GALNT3: variants seen among roughly 807,000 people sequenced by gnomAD.
GALNT3 encodes the protein polypeptide N-acetylgalactosaminyltransferase 3.
GALNT3 carries 51 observed loss-of-function variants against 69.8 expected under a neutral mutation model. The observed-to-expected ratio is 0.73, with a 90% CI of 0.58 to 0.92. The LOEUF is 0.92. Among genes scored for constraint, GALNT3 ranks in the 40% least tolerant of loss-of-function variants. The pLI, the probability that GALNT3 is intolerant of heterozygous loss-of-function variation, is 0.00. For synonymous variants in GALNT3, 265 were observed against 248.5 expected (o/e 1.07, Z -0.63); for missense variants, 711 against 760.0 (o/e 0.94, Z 0.76).
chr2:165,758,259 T>C (rs1166733871), intron 6 of GALNT3, among the ~76,000 whole-genome samples: 1 of 152,098 alleles, frequency 6.6e-6, no homozygotes, highest in African/African-American at 2.4e-5. Context: ...CTGCAGAAAA[T>C]GAAACTCATG....
chr2:165,773,011 A>G (rs1408522290), intron 1 of GALNT3, among the ~76,000 whole-genome samples: 2 of 152,192 alleles, frequency 1.3e-5, no homozygotes, highest in Non-Finnish European at 2.9e-5. Context: ...GATAGATATT[A>G]ATGAGATGAG....
chr2:165,774,120 G>C (rs1182515430), intron 1 of GALNT3, among the ~76,000 whole-genome samples: 1 of 152,170 alleles, frequency 6.6e-6, no homozygotes, highest in East Asian at 1.9e-4. Context: ...CAGGAAAGTG[G>C]TTCCCAGTTG....
At chr2:165,770,131 T>G (rs1469384464) in intron 2 of GALNT3, 55 bp downstream of exon 2, 4 of 1,604,894 alleles carry the variant, frequency 2.5e-6, no homozygotes, top group Non-Finnish European at 3.4e-6. Flanking sequence ...CTCACCCCTC[T>G]CTCCCCTGCA....
In GALNT3 at chr2:165,759,493, T is replaced by C. The variant is rs1461397202; in HGVS notation, c.916A>G (p.Ile306Val). ...AACGTGTTCAGATCTATGGATGCAA[T>C]ATCTGGACTTACGACAGCCGTGTAG... ...ENYTAVVSPD[I>V]ASIDLNTFEF... The change falls in exon 5 of 11, where the codon ATT (isoleucine) becomes GTT (valine). Residue 306 changes from isoleucine (I) to valine (V), a missense_variant. By Grantham distance (29) the Ile-to-Val change is conservative. Coordinates refer to ENST00000392701, the MANE Select transcript of GALNT3 (RefSeq NM_004482.4). 2.5e-6 allele frequency: 4 copies of C among 1,613,916 alleles called. No individual in the cohort carries two copies. In the African/African-American group the frequency reaches 4.0e-5, roughly 16 times the overall value.
intron 1 of GALNT3, among the ~76,000 whole-genome samples, chr2:165,786,290 G>T (rs1188096146): frequency 4.6e-5 from 7 of 152,142 alleles, no homozygotes; most frequent in Non-Finnish European, 8.8e-5. Flanking sequence ...ACAGGACTGG[G>T]GAGACGAGAA....
At chr2:165,766,198 A>T (rs1446002092) in intron 2 of GALNT3, among the ~76,000 whole-genome samples, 1 of 152,126 alleles carries the variant, frequency 6.6e-6, no homozygotes, top group Non-Finnish European at 1.5e-5. Flanking sequence ...ACTAGCGTTT[A>T]AAAAAACCCT....
chr2:165,784,640 A>G (rs190779978), intron 1 of GALNT3, among the ~76,000 whole-genome samples: 30 of 152,206 alleles, frequency 2.0e-4, no homozygotes, highest in Middle Eastern at 6.8e-3. Flanking sequence ...GTTCAAGACC[A>G]GCCTAGGAAA....
chr2:165,790,728 A>T (rs1418159509), intron 1 of GALNT3, among the ~76,000 whole-genome samples: 1 of 152,186 alleles, frequency 6.6e-6, no homozygotes, highest in Non-Finnish European at 1.5e-5. Context: ...TTCCAAGACT[A>T]CATTCCTACA....
intron 2 of GALNT3, among the ~76,000 whole-genome samples, chr2:165,766,413 T>C (rs1378175271): frequency 6.6e-6 from 1 of 152,174 alleles, no homozygotes; most frequent in Non-Finnish European, 1.5e-5. Flanking sequence ...ATGTCTTTCC[T>C]CAATGAAAAA....
chr2:165,754,906 TA>T (rs1485178278), intron 8 of GALNT3, 25 bp downstream of exon 8: 4 of 1,611,394 alleles, frequency 2.5e-6, no homozygotes, highest in South Asian at 2.2e-5. Context: ...GTATATTAAT[TA>T]AAAAAGGAAC....
At chr2:165,769,413 T>TAAC (rs1394624541) in intron 2 of GALNT3, among the ~76,000 whole-genome samples, 12 of 133,062 alleles carry the variant, frequency 9.0e-5, no homozygotes, top group Non-Finnish European at 1.4e-4. Flanking sequence ...CTCAAAATAA[T>TAAC]AATAATAATA....
intron 1 of GALNT3, among the ~76,000 whole-genome samples, chr2:165,786,642 T>C (rs1371052035): frequency 6.6e-6 from 1 of 152,236 alleles, no homozygotes; most frequent in East Asian, 1.9e-4. Context: ...TTCCTGAATA[T>C]TTTCAATCTA....
chr2:165,755,020 C>T lies in GALNT3; in HGVS notation c.1436G>A (p.Arg479His), dbSNP rs767939917. 22 of 1,611,796 alleles carry T rather than the reference C, an allele frequency of 1.4e-5. No homozygotes were observed. Among genetic ancestry groups the T allele is most frequent in the Admixed American group, 8.3e-5 (5 of 59,976 alleles). Residue 479 changes from arginine to histidine, a missense_variant, in exon 8 of 11, where the codon CGC (arginine) becomes CAC (histidine). Arg to His is a conservative substitution (Grantham distance 29). Transcript: ENST00000392701. ...DLSKRFEIKHRLQCKNFTWYL... is the reference protein window; with the variant it reads ...DLSKRFEIKHHLQCKNFTWYL... ...CCATGTAAAATTTTTACACTGAAGG[C>T]GGTGTTTTATTTCAAATCTTTTTGA...
rs4667836 is a variant in GALNT3 at position 165,770,096 on chromosome 2, G to A, written c.515+90C>T. On this transcript the variant is annotated intron_variant, in intron 2 of 10. Coordinates refer to ENST00000392701, the MANE Select transcript of GALNT3 (RefSeq NM_004482.4). The stretch of plus-strand genomic sequence containing the variant: ...TTTGCTGATTTTCTGCCTTAGAGTA[G>A]CTAAAAAACAGATAACTTCCTTAGC... 0.38 allele frequency: 554,089 copies of A among 1,459,960 alleles called. 106,131 individuals carry two copies. The highest frequency in any genetic ancestry group is 0.5 in the Middle Eastern group (2,877 of 5,794). The allele number at this position is 1,459,960 out of a possible 1,614,324, so 90.4% of individuals were successfully genotyped here.
At chr2:165,751,265 G>C (rs1211045962) in intron 9 of GALNT3, among the ~76,000 whole-genome samples, 3 of 152,154 alleles carry the variant, frequency 2.0e-5, no homozygotes, top group African/African-American at 7.2e-5. Context: ...AACTCTTTAT[G>C]TGTATTACAG....
intron 1 of GALNT3, among the ~76,000 whole-genome samples, chr2:165,790,002 C>T (rs1307296235): frequency 6.6e-6 from 1 of 152,114 alleles, no homozygotes; most frequent in Non-Finnish European, 1.5e-5. Flanking sequence ...CAATGTACTA[C>T]TATCTATAAA....
chr2:165,761,884 T>A (rs1688555909), intron 4 of GALNT3, 21 bp downstream of exon 4: 1 of 1,612,968 alleles, frequency 6.2e-7, no homozygotes, highest in Non-Finnish European at 8.5e-7. Flanking sequence ...GTTACAACCA[T>A]ATCCATACAT....
At chr2:165,784,427 G>A (rs1683177916) in intron 1 of GALNT3, among the ~76,000 whole-genome samples, 1 of 152,164 alleles carries the variant, frequency 6.6e-6, no homozygotes. Flanking sequence ...ATAAATATAA[G>A]GGGCATGGAA....
At chr2:165,779,356 A>T (rs2105223869) in intron 1 of GALNT3, among the ~76,000 whole-genome samples, 3 of 152,324 alleles carry the variant, frequency 2.0e-5, no homozygotes, top group Admixed American at 2.0e-4. Context: ...GTAAACTGAT[A>T]AGCAGCAAAG....
Sources: allele counts gnomAD v4.1 joint callset (sites outside exome capture counted in the v4.1 genomes callset), GRCh38; gene constraint gnomAD v4.1.1; transcripts MANE v1.5; gene names NCBI Gene and HGNC (gene_info 2026-07-23, HGNC 2026-07-21).